Variants in MMP16 observed in about 807,000 individuals in gnomAD.
The protein encoded by MMP16 is matrix metalloproteinase-16.
MMP16 carries 12 observed loss-of-function variants against 67.8 expected under a neutral mutation model. The observed-to-expected ratio is 0.18, with a 90% confidence interval of 0.11 to 0.29. The LOEUF (loss-of-function observed/expected upper bound fraction) is 0.29, where lower values mean the gene tolerates loss of function less well. MMP16 is among the 10% of genes least tolerant of loss of function. The pLI is 1.00. For missense variants in MMP16, 475 were observed against 765.7 expected, an observed-to-expected ratio of 0.62 and a Z score of 4.48; for synonymous variants, 249 against 255.9, an observed-to-expected ratio of 0.97 and a Z score of 0.26.
chr8:88,281,244 G>T (rs2129994189), intron 1 of MMP16, among the ~76,000 whole-genome samples: 1 of 152,282 alleles, frequency 6.6e-6, no homozygotes, highest in Non-Finnish European at 1.5e-5. Context: ...CTATTAATAA[G>T]AATTCATTTA....
At chr8:88,149,504 C>A (rs1242528139) in intron 4 of MMP16, among the ~76,000 whole-genome samples, 1 of 152,176 alleles carries the variant, frequency 6.6e-6, no homozygotes, top group Non-Finnish European at 1.5e-5. Flanking sequence ...CAGCACGCGG[C>A]TGGAGATCTG....
At chr8:88,190,260 A>G (rs1809149576) in intron 2 of MMP16, among the ~76,000 whole-genome samples, 1 of 152,208 alleles carries the variant, frequency 6.6e-6, no homozygotes, top group Non-Finnish European at 1.5e-5. Flanking sequence ...TGGCACAGAG[A>G]TATTAGTGGG....
chr8:88,244,460 A>G (rs1463367944), intron 1 of MMP16, among the ~76,000 whole-genome samples: 1 of 152,180 alleles, frequency 6.6e-6, no homozygotes, highest in African/African-American at 2.4e-5. Context: ...AACACATCCA[A>G]TTCACTTTGT....
In MMP16 at chr8:88,194,578, C is replaced by T. The variant is rs191648082; in HGVS notation, c.281+2580G>A. Among the ~76,000 whole-genome samples the T allele has an allele frequency of 4.2e-3, 634 of 151,752 alleles. 2 individuals carry two copies. The highest frequency in any genetic ancestry group is 6.2e-3 in the Non-Finnish European group (424 of 67,940). On this transcript the variant is annotated intron_variant, in intron 2 of 9. Transcript: ENST00000286614. The stretch of plus-strand genomic sequence containing the variant: ...CAATAACACCTTAAGAGTAGAGATG[C>T]GACAGCAGAAAAAAATAGGCAGGAA...
At chr8:88,220,786 C>G (rs1563566106) in intron 1 of MMP16, among the ~76,000 whole-genome samples, 1 of 152,104 alleles carries the variant, frequency 6.6e-6, no homozygotes, top group Non-Finnish European at 1.5e-5. Flanking sequence ...TCCACCCAAA[C>G]TATTGTCCAG....
chr8:88,313,870 C>T (rs1477833520), intron 1 of MMP16, among the ~76,000 whole-genome samples: 1 of 152,100 alleles, frequency 6.6e-6, no homozygotes, highest in Non-Finnish European at 1.5e-5. Flanking sequence ...CAGAGAAACT[C>T]CCCCTTACAG....
At chr8:88,044,100 C>T (rs1341153017) in intron 9 of MMP16, among the ~76,000 whole-genome samples, 1 of 152,170 alleles carries the variant, frequency 6.6e-6, no homozygotes, top group Non-Finnish European at 1.5e-5. Context: ...TTTATAGTAA[C>T]ACACTCCACA....
At chr8:88,115,225 C>CA (rs928419962) in intron 6 of MMP16, among the ~76,000 whole-genome samples, 1 of 150,886 alleles carries the variant, frequency 6.6e-6, no homozygotes, top group African/African-American at 2.5e-5. Flanking sequence ...TTAGAATAAA[C>CA]AAAAGATTGC....
chr8:88,232,944 T>C (rs988074645), intron 1 of MMP16, among the ~76,000 whole-genome samples: 1 of 152,140 alleles, frequency 6.6e-6, no homozygotes, highest in African/African-American at 2.4e-5. Context: ...CAAATCACAG[T>C]GTAGTGGATG....
chr8:88,225,384 A>AATTT (rs1437825460), intron 1 of MMP16, among the ~76,000 whole-genome samples: 1 of 151,994 alleles, frequency 6.6e-6, no homozygotes, highest in African/African-American at 2.4e-5. Context: ...AATTAACTTG[A>AATTT]ATTTATTACC....
rs946212776 is a variant in MMP16, at chr8:88,039,314, A to G, written c.*2147T>C. ...AATTTAGACTTGAAATTATATTAAA[A>G]TGAAATTAAAATTCACTTCTACCTA... is the stretch of plus-strand genomic sequence containing the variant. On this transcript the variant is annotated 3_prime_UTR_variant, in exon 10 of 10. Transcript: ENST00000286614. This position sits in a 1 kb window ranked among gnomAD's most constrained non-coding sequence, Gnocchi z 4.5. 6.6e-6 allele frequency: 1 copy of G among 152,554 alleles called. No homozygotes were observed. The highest frequency in any genetic ancestry group is 2.4e-5 in the African/African-American group (1 of 41,432). The allele number at this position is 152,554 out of a possible 1,614,324, so 9.5% of individuals were successfully genotyped here.
chr8:88,147,846 CTATAT>C (rs1808320793), intron 4 of MMP16, among the ~76,000 whole-genome samples: 1 of 151,926 alleles, frequency 6.6e-6, no homozygotes, highest in Non-Finnish European at 1.5e-5. Context: ...TGAGCTTCCT[CTATAT>C]GTGGATTCAT....
At chr8:88,208,082 T>G (rs550825536) in intron 1 of MMP16, among the ~76,000 whole-genome samples, 1 of 152,166 alleles carries the variant, frequency 6.6e-6, no homozygotes, top group Non-Finnish European at 1.5e-5. Context: ...AAGAAAATCA[T>G]TGAGAAGAAA....
At chr8:88,161,238 C>G (rs1808616561) in intron 4 of MMP16, among the ~76,000 whole-genome samples, 1 of 152,116 alleles carries the variant, frequency 6.6e-6, no homozygotes, top group African/African-American at 2.4e-5. Context: ...TGTTACTGGT[C>G]TATTCAGAGA....
intron 7 of MMP16, among the ~76,000 whole-genome samples, chr8:88,064,509 T>C (rs1272532458): frequency 6.6e-6 from 1 of 152,074 alleles, no homozygotes; most frequent in Non-Finnish European, 1.5e-5. Context: ...AATCTGAGCT[T>C]TCCTTTCATA....
At chr8:88,121,071 G>GTTTT (rs397974015) in intron 4 of MMP16, among the ~76,000 whole-genome samples, 3 of 137,926 alleles carry the variant, frequency 2.2e-5, no homozygotes, top group South Asian at 2.4e-4. Flanking sequence ...CTTGCTCTCA[G>GTTTT]TTTTTTTTTT....
At chr8:88,121,312 T>C (rs75461071) in intron 4 of MMP16, among the ~76,000 whole-genome samples, 9,911 of 151,988 alleles carry the variant, frequency 0.065, 509 homozygotes, top group Non-Finnish European at 0.097. Flanking sequence ...TTACGACCTG[T>C]CGAGTACTCT....
chr8:88,264,033 CATATAT>C (rs150086100), intron 1 of MMP16, among the ~76,000 whole-genome samples: 74 of 134,694 alleles, frequency 5.5e-4, no homozygotes, highest in Middle Eastern at 3.9e-3. Context: ...AAAAATGGCA[CATATAT>C]ATATATATAT....
intron 3 of MMP16, among the ~76,000 whole-genome samples, chr8:88,179,979 G>T (rs1808952766): frequency 6.6e-6 from 1 of 152,106 alleles, no homozygotes; most frequent in Non-Finnish European, 1.5e-5. Context: ...TGCATCAATA[G>T]TCACTTTAAA....
Sources: allele counts gnomAD v4.1 joint callset (sites outside exome capture counted in the v4.1 genomes callset), GRCh38; gene constraint gnomAD v4.1.1; non-coding constraint Gnocchi (gnomAD v3.1); transcripts MANE v1.5; gene names NCBI Gene and HGNC (gene_info 2026-07-23, HGNC 2026-07-21).